Variants in TRABD2B observed in about 807,000 individuals in gnomAD.
The protein encoded by TRABD2B is metalloprotease TIKI2.
Under a neutral mutation model 40.1 loss-of-function variants are expected in TRABD2B, and 14 were observed. The ratio of observed to expected loss-of-function variants is 0.35; its 90% CI spans 0.23 to 0.55. The LOEUF (loss-of-function observed/expected upper bound fraction) is 0.55. Ranked by LOEUF, TRABD2B falls within the 20% of genes least tolerant of loss-of-function variation. TRABD2B has a pLI of 0.90. For synonymous variants in TRABD2B, 263 were observed against 277.0 expected, an observed-to-expected ratio of 0.95 and a Z score of 0.50; for missense variants, 541 against 648.6, an observed-to-expected ratio of 0.83 and a Z score of 1.80.
chr1:47,959,721 T>C (rs1028844112), intron 2 of TRABD2B, among the ~76,000 whole-genome samples: 14 of 152,140 alleles, frequency 9.2e-5, no homozygotes, highest in Non-Finnish European at 1.8e-4. Flanking sequence ...CAATAATTAA[T>C]AGCCTACCAA....
At chr1:47,778,158 A>G (rs1465324580) in intron 5 of TRABD2B, among the ~76,000 whole-genome samples, 1 of 152,172 alleles carries the variant, frequency 6.6e-6, no homozygotes, top group Non-Finnish European at 1.5e-5. Flanking sequence ...AGCAGCACCC[A>G]GGAGTTCTAC....
At chr1:47,967,863 C>T (rs565377634) in intron 2 of TRABD2B, among the ~76,000 whole-genome samples, 57 of 152,370 alleles carry the variant, frequency 3.7e-4, no homozygotes, top group African/African-American at 1.3e-3. Context: ...TTTCATCCAA[C>T]ATGGTTATGC....
chr1:47,846,661 C>T (rs1645474069), intron 2 of TRABD2B, among the ~76,000 whole-genome samples: 2 of 152,152 alleles, frequency 1.3e-5, no homozygotes, highest in Admixed American at 6.5e-5. Context: ...AAAAAAATCC[C>T]TGCAGGGGCT....
rs529894639 is a variant in TRABD2B, at chr1:47,843,967, C to T, written c.667-42348G>A. ...CTCGATGGGCACCCAGCCCCAGGCC[C>T]GTAACATGTGGAAGAAAGCCCCAAT... On this transcript the variant is annotated intron_variant, in intron 2 of 6. Coordinates refer to ENST00000606738, the MANE Select transcript of TRABD2B (RefSeq NM_001194986.2). 7.8e-4 allele frequency among the ~76,000 whole-genome samples: 119 copies of T among 152,246 alleles called. 2 individuals carry two copies. Among genetic ancestry groups the T allele is most frequent in the Non-Finnish European group, 1.5e-3 (99 of 68,006 alleles).
At chr1:47,966,090 T>C (rs1645598417) in intron 2 of TRABD2B, among the ~76,000 whole-genome samples, 1 of 152,122 alleles carries the variant, frequency 6.6e-6, no homozygotes, top group Non-Finnish European at 1.5e-5. Context: ...CTCTTGAAGG[T>C]CAGCACGGGG....
intron 2 of TRABD2B, among the ~76,000 whole-genome samples, chr1:47,984,363 G>A (rs1286464076): frequency 1.3e-5 from 2 of 152,238 alleles, no homozygotes; most frequent in Admixed American, 1.3e-4. Flanking sequence ...CCGCCCAACC[G>A]CTGCTCTTTT....
chr1:47,814,004 C>T (rs1644998168), intron 2 of TRABD2B, among the ~76,000 whole-genome samples: 1 of 152,242 alleles, frequency 6.6e-6, no homozygotes, highest in Non-Finnish European at 1.5e-5. Flanking sequence ...GGACAAGGTG[C>T]TGTGAGAGTC....
chr1:47,958,256 T>C lies in TRABD2B; in HGVS notation c.666+35778A>G, dbSNP rs1260373259. On this transcript the variant is annotated intron_variant, in intron 2 of 6. Transcript: ENST00000606738. Reference sequence around the variant, plus strand: ...ACCGGTACCAGCCACTGCAAAAACATGCCAAATTGTAAAGACCATCAAGGT... The same window carrying C: ...ACCGGTACCAGCCACTGCAAAAACACGCCAAATTGTAAAGACCATCAAGGT... Among the ~76,000 whole-genome samples, 4 of 144,032 alleles carry C rather than the reference T, an allele frequency of 2.8e-5. No homozygotes were observed. The South Asian group carries it at 9.8e-4, about 35-fold the overall frequency. 94.5% of individuals were successfully genotyped at this position (144,032 alleles called of 152,430 possible).
intron 2 of TRABD2B, among the ~76,000 whole-genome samples, chr1:47,882,234 G>A (rs1276183908): frequency 6.6e-6 from 1 of 152,208 alleles, no homozygotes; most frequent in Non-Finnish European, 1.5e-5. Flanking sequence ...CCTGCCTCAT[G>A]CTCCCCATGC....
chr1:47,795,105 G>C (rs1644731189), intron 3 of TRABD2B, among the ~76,000 whole-genome samples: 1 of 152,188 alleles, frequency 6.6e-6, no homozygotes, highest in Non-Finnish European at 1.5e-5. Flanking sequence ...GGTGGACTTA[G>C]GATAAGTATG....
At position 47,878,177 on chromosome 1, in the gene TRABD2B, G is replaced by A. The variant is rs1644250774; in HGVS notation, c.667-76558C>T. On this transcript the variant is annotated intron_variant, in intron 2 of 6. Coordinates refer to ENST00000606738, the MANE Select transcript of TRABD2B (RefSeq NM_001194986.2). ...TAAAAGCACAAAAAATTAGCCAGGTGTGGTGGCGAGCACCTGTAATCCCAG... is the reference window on the plus strand; with the variant it reads ...TAAAAGCACAAAAAATTAGCCAGGTATGGTGGCGAGCACCTGTAATCCCAG... 2.6e-5 allele frequency among the ~76,000 whole-genome samples: 4 copies of A among 152,100 alleles called. No homozygotes were observed. The South Asian group carries it at 8.3e-4, about 32-fold the overall frequency.
At chr1:47,907,576 G>A (rs1233697499) in intron 2 of TRABD2B, among the ~76,000 whole-genome samples, 1 of 152,170 alleles carries the variant, frequency 6.6e-6, no homozygotes, top group Non-Finnish European at 1.5e-5. Context: ...AACCTGGTTT[G>A]TATGACTTTT....
intron 2 of TRABD2B, among the ~76,000 whole-genome samples, chr1:47,857,819 G>A (rs1029895531): frequency 1.3e-5 from 2 of 152,076 alleles, no homozygotes; most frequent in Admixed American, 6.5e-5. Flanking sequence ...CCTCATTGAG[G>A]AGTAACTGCT....
At chr1:47,938,146 T>C (rs1645138471) in intron 2 of TRABD2B, among the ~76,000 whole-genome samples, 1 of 152,194 alleles carries the variant, frequency 6.6e-6, no homozygotes, top group Non-Finnish European at 1.5e-5. Context: ...AACTCAGGCC[T>C]GGAAGAGACT....
At chr1:47,917,791 T>C (rs1285035451) in intron 2 of TRABD2B, among the ~76,000 whole-genome samples, 1 of 152,092 alleles carries the variant, frequency 6.6e-6, no homozygotes, top group East Asian at 1.9e-4. Context: ...CTCCCTCTTG[T>C]CTTTTCCTGA....
chr1:47,911,211 A>C (rs987243036), intron 2 of TRABD2B, among the ~76,000 whole-genome samples: 8 of 152,202 alleles, frequency 5.3e-5, no homozygotes, highest in Non-Finnish European at 8.8e-5. Context: ...TAAATGAGAT[A>C]ATGCACATAA....
intron 2 of TRABD2B, among the ~76,000 whole-genome samples, chr1:47,940,257 A>G (rs776988918): frequency 6.6e-6 from 1 of 152,178 alleles, no homozygotes; most frequent in Non-Finnish European, 1.5e-5. Context: ...TCCAGCACCC[A>G]GCACCCTGCA....
At chr1:47,933,546 G>C (rs1013787766) in intron 2 of TRABD2B, among the ~76,000 whole-genome samples, 1 of 152,104 alleles carries the variant, frequency 6.6e-6, no homozygotes, top group Non-Finnish European at 1.5e-5. Context: ...CCTCTCTGCC[G>C]TGCTACCTAG....
intron 3 of TRABD2B, 53 bp downstream of exon 3, chr1:47,801,420 T>A (rs774125749): frequency 6.6e-7 from 1 of 1,507,194 alleles, no homozygotes; most frequent in Non-Finnish European, 8.9e-7. Flanking sequence ...GCCTGGCACG[T>A]CATAGGGATC....
Sources: allele counts gnomAD v4.1 joint callset (sites outside exome capture counted in the v4.1 genomes callset), GRCh38; gene constraint gnomAD v4.1.1; transcripts MANE v1.5; gene names NCBI Gene and HGNC (gene_info 2026-07-23, HGNC 2026-07-21).